Variants in MEMO1 observed in about 807,000 individuals in gnomAD.
MEMO1 encodes mediator of cell motility 1.
A neutral mutation model predicts 45.2 loss-of-function variants in MEMO1; 6 were observed. The observed-to-expected ratio is 0.13, with a 90% CI of 0.07 to 0.26. The LOEUF is 0.26. Among genes scored for constraint, MEMO1 ranks in the 10% least tolerant of loss-of-function variants. The probability of loss-of-function intolerance (pLI) is 1.00; values close to 1 mark genes in which losing one functional copy is unlikely to be tolerated. For missense variants in MEMO1, 184 were observed against 370.5 expected, an observed-to-expected ratio of 0.50 and a Z score of 4.13; for synonymous variants, 78 against 124.3, an observed-to-expected ratio of 0.63 and a Z score of 2.48.
intron 2 of MEMO1, among the ~76,000 whole-genome samples, chr2:32,003,542 A>C (rs1010997505): frequency 6.6e-6 from 1 of 152,134 alleles, no homozygotes; most frequent in African/African-American, 2.4e-5. Flanking sequence ...TTACTTCAAC[A>C]AAAAAAATTT....
intron 2 of MEMO1, among the ~76,000 whole-genome samples, chr2:31,944,098 C>G (rs1296565593): frequency 6.6e-6 from 1 of 152,136 alleles, no homozygotes; most frequent in East Asian, 1.9e-4. Flanking sequence ...CCATCACAGT[C>G]AAAACATAGT....
At chr2:31,897,650 T>C (rs1023617680) in intron 6 of MEMO1, among the ~76,000 whole-genome samples, 1 of 152,240 alleles carries the variant, frequency 6.6e-6, no homozygotes, top group Non-Finnish European at 1.5e-5. Context: ...TGCACTGATA[T>C]TCATCAGGGA....
intron 8 of MEMO1, among the ~76,000 whole-genome samples, chr2:31,874,207 A>G (rs1026172960): frequency 6.6e-6 from 1 of 152,118 alleles, no homozygotes; most frequent in African/African-American, 2.4e-5. Flanking sequence ...ATGATAACCT[A>G]TGACCATCTC....
At chr2:32,007,005 T>C (rs530570989) in intron 2 of MEMO1, among the ~76,000 whole-genome samples, 33 of 145,734 alleles carry the variant, frequency 2.3e-4, no homozygotes, top group African/African-American at 7.7e-4. Flanking sequence ...GAATGAATCA[T>C]CCTATGAGAT....
At chr2:31,879,271 AAATAAAGCTC>A (rs1675007204) in intron 8 of MEMO1, among the ~76,000 whole-genome samples, 1 of 152,176 alleles carries the variant, frequency 6.6e-6, no homozygotes, top group African/African-American at 2.4e-5. Context: ...CCTCTTTGCT[AAATAAAGCTC>A]ATCCTCTCTG....
At chr2:31,987,753 T>C (rs1671445651) in intron 2 of MEMO1, among the ~76,000 whole-genome samples, 1 of 152,140 alleles carries the variant, frequency 6.6e-6, no homozygotes, top group African/African-American at 2.4e-5. Flanking sequence ...AGCAATCTAG[T>C]TTTCTTCCTA....
chr2:31,957,795 G>A (rs191044964), intron 2 of MEMO1, among the ~76,000 whole-genome samples: 8 of 152,198 alleles, frequency 5.3e-5, no homozygotes, highest in African/African-American at 7.2e-5. Flanking sequence ...CTCTGACTTC[G>A]TCAGCATTTA....
At chr2:31,906,735 A>G (rs1422882366) in intron 6 of MEMO1, among the ~76,000 whole-genome samples, 7 of 152,160 alleles carry the variant, frequency 4.6e-5, no homozygotes, top group Non-Finnish European at 2.9e-5. Context: ...ACGGCATTCA[A>G]TTCCCTCCAT....
intron 7 of MEMO1, among the ~76,000 whole-genome samples, chr2:31,887,391 T>C (rs998281405): frequency 1.3e-5 from 2 of 152,142 alleles, no homozygotes; most frequent in African/African-American, 4.8e-5. Flanking sequence ...GTCAATAAGA[T>C]AGATTTTCAG....
At chr2:31,944,247 A>G (rs779377753) in intron 2 of MEMO1, among the ~76,000 whole-genome samples, 7 of 152,236 alleles carry the variant, frequency 4.6e-5, no homozygotes, top group Non-Finnish European at 1.0e-4. Context: ...ATCCCATCAC[A>G]TTAACGTAGT....
At chr2:31,912,911 T>C (rs1411681787) in intron 6 of MEMO1, among the ~76,000 whole-genome samples, 1 of 152,208 alleles carries the variant, frequency 6.6e-6, no homozygotes, top group Non-Finnish European at 1.5e-5. Context: ...AATGAGATTG[T>C]AAGTCATTTT....
intron 2 of MEMO1, among the ~76,000 whole-genome samples, chr2:31,961,720 G>C (rs1668029658): frequency 6.6e-6 from 1 of 152,116 alleles, no homozygotes; most frequent in East Asian, 1.9e-4. Flanking sequence ...AGAGGGTGCA[G>C]TGACCCAAGA....
chr2:31,949,902 C>T (rs1666638398), intron 2 of MEMO1, among the ~76,000 whole-genome samples: 1 of 145,678 alleles, frequency 6.9e-6, no homozygotes, highest in Non-Finnish European at 1.5e-5. Context: ...AATATATATA[C>T]CTGCTATGTA....
At chr2:31,997,907 A>G (rs1047517589) in intron 2 of MEMO1, among the ~76,000 whole-genome samples, 3 of 152,266 alleles carry the variant, frequency 2.0e-5, no homozygotes, top group African/African-American at 7.2e-5. Flanking sequence ...CCAGTAACAC[A>G]GGAAATGGCT....
At chr2:31,978,871 G>A (rs921642333) in intron 2 of MEMO1, among the ~76,000 whole-genome samples, 7 of 151,906 alleles carry the variant, frequency 4.6e-5, no homozygotes, top group African/African-American at 1.7e-4. Context: ...TACACATTAG[G>A]TATGTCTCAA....
rs565289932 is a variant in MEMO1, at chr2:31,875,562, A to T, written c.658-5610T>A. On this transcript the variant is annotated intron_variant, in intron 8 of 9. Transcript: ENST00000404530. ...TCAACCCATTAGCAAAGTCCTTTTG[A>T]CTCTTATTTCTGAAAAGATCTGACC... Among the ~76,000 whole-genome samples, 266 of 152,008 alleles carry T rather than the reference A, an allele frequency of 1.7e-3. 1 individual carries two copies. The highest frequency in any genetic ancestry group is 2.7e-3 in the Non-Finnish European group (181 of 67,986).
intron 2 of MEMO1, among the ~76,000 whole-genome samples, chr2:31,958,260 T>C (rs374044777): frequency 6.6e-6 from 1 of 152,012 alleles, no homozygotes; most frequent in African/African-American, 2.4e-5. Flanking sequence ...GCTTTTAAAG[T>C]TGTTGGTGCT....
At chr2:31,961,319 T>C (rs1667981964) in intron 2 of MEMO1, among the ~76,000 whole-genome samples, 1 of 151,884 alleles carries the variant, frequency 6.6e-6, no homozygotes, top group South Asian at 2.1e-4. Context: ...ATCACACCAT[T>C]GCACTCTAGC....
chr2:31,882,694 T>C (rs1675588504), intron 8 of MEMO1, among the ~76,000 whole-genome samples: 1 of 152,166 alleles, frequency 6.6e-6, no homozygotes, highest in Non-Finnish European at 1.5e-5. Flanking sequence ...GTTAGCTACA[T>C]TTTGTGTATA....
Sources: allele counts gnomAD v4.1 joint callset (sites outside exome capture counted in the v4.1 genomes callset), GRCh38; gene constraint gnomAD v4.1.1; transcripts MANE v1.5; gene names NCBI Gene and HGNC (gene_info 2026-07-23, HGNC 2026-07-21).